Variants in UVSSA observed in about 807,000 individuals in gnomAD.
The protein encoded by UVSSA is UV stimulated scaffold protein A.
A neutral mutation model predicts 73.9 loss-of-function variants in UVSSA; 72 were observed. That is an observed-to-expected ratio of 0.97 (90% CI 0.81 to 1.19). UVSSA has a LOEUF of 1.19. Among genes scored for constraint, UVSSA ranks in the 50% most tolerant of loss-of-function variants. UVSSA has a pLI of 0.00. For missense variants in UVSSA, 1,150 were observed against 965.0 expected (o/e 1.19, Z -2.54); for synonymous variants, 454 against 391.3 (o/e 1.16, Z -1.89).
chr4:1,344,169 G>A (rs1713526460), upstream of UVSSA, among the ~76,000 whole-genome samples: 1 of 152,104 alleles, frequency 6.6e-6, no homozygotes. Flanking sequence ...TTTAAGATGT[G>A]CCTTGGGTGG....
exon 14 of UVSSA, chr4:1,394,074 C>A: frequency 3.4e-6 from 1 of 292,190 alleles, no homozygotes; most frequent in Non-Finnish European, 6.5e-6. Flanking sequence ...AGGCAGCTGC[C>A]AACTGTGCCT....
In UVSSA at chr4:1,382,433, A is replaced by T. The variant is rs538006953; in HGVS notation, c.1862-1333A>T. On this transcript the variant is annotated intron_variant, in intron 12 of 13. Coordinates refer to ENST00000389851, the MANE Select transcript of UVSSA (RefSeq NM_020894.4). ...CGCAATTTTCCTTTCCCTGGTGCTAACCTCAGTGACAATGTGCGTGCTGCT... is the reference window on the plus strand; with the variant it reads ...CGCAATTTTCCTTTCCCTGGTGCTATCCTCAGTGACAATGTGCGTGCTGCT... Among the ~76,000 whole-genome samples the T allele has an allele frequency of 1.3e-4, 20 of 152,260 alleles. No individual in the cohort carries two copies. The South Asian group carries it at 1.7e-3, about 13-fold the overall frequency.
At chr4:1,352,807 T>C (rs1198333710) in intron 4 of UVSSA, among the ~76,000 whole-genome samples, 1 of 152,236 alleles carries the variant, frequency 6.6e-6, no homozygotes, top group Non-Finnish European at 1.5e-5. Flanking sequence ...TAGTTGAGCA[T>C]GGCATCACGT....
intron 7 of UVSSA, chr4:1,357,869 A>G (rs1181535685): frequency 6.6e-6 from 1 of 152,320 alleles, no homozygotes; most frequent in Admixed American, 6.5e-5. Context: ...GCCAGGGCCC[A>G]TAACACGGGT....
rs146853550 is a variant in UVSSA at position 1,353,175 on chromosome 4, G to A, written c.696G>A (p.Ala232=). The change falls in exon 5 of 14, where the codon GCG becomes GCA. Residue 232 remains alanine (A), a synonymous_variant. Coordinates refer to ENST00000389851, the MANE Select transcript of UVSSA (RefSeq NM_020894.4). ...GMSDALRSSC[A]GQVGPCRSGT... is the part of the protein sequence containing the mutation. ...CCGATGCCCTTCGCTCCTCCTGCGC[G>A]GGCCAGGTGGGCCCCTGCCGGTCTG... The A allele has an allele frequency of 9.2e-4, 1,488 of 1,612,724 alleles. No individual in the cohort carries two copies. The highest frequency in any genetic ancestry group is 2.0e-3 in the Middle Eastern group (12 of 6,058).
At chr4:1,346,918 C>T (rs1385792157), upstream of UVSSA, among the ~76,000 whole-genome samples, 1 of 152,272 alleles carries the variant, frequency 6.6e-6, no homozygotes, top group African/African-American at 2.4e-5. Flanking sequence ...CTGCCTCGCC[C>T]TCGCCGGGAG....
At position 1,376,603 on chromosome 4, in the gene UVSSA, G is replaced by A. The variant is rs974300259; in HGVS notation, c.1568+435G>A. On this transcript the variant is annotated intron_variant, in intron 10 of 13. Coordinates refer to ENST00000389851, the MANE Select transcript of UVSSA (RefSeq NM_020894.4). ...AGGCGGGGGCTCTGCAAGGAGCCTC[G>A]GGAAGCCACCCTCCCTGCCCACTTT... Among the ~76,000 whole-genome samples the A allele has an allele frequency of 2.5e-4, 38 of 152,170 alleles. 1 individual carries two copies. Among genetic ancestry groups the A allele is most frequent in the African/African-American group, 7.2e-5 (3 of 41,440 alleles).
intron 8 of UVSSA, among the ~76,000 whole-genome samples, chr4:1,368,837 A>G (rs1717664106): frequency 6.6e-6 from 1 of 152,232 alleles, no homozygotes; most frequent in Non-Finnish European, 1.5e-5. Context: ...GGAAGTGTGC[A>G]CAGCTGGTGC....
At chr4:1,349,999 A>G (rs1560420080) in intron 3 of UVSSA, 145 bp downstream of exon 3, 4 of 766,436 alleles carry the variant, frequency 5.2e-6, no homozygotes, top group East Asian at 2.7e-5. Flanking sequence ...CTGCCAGACC[A>G]TCTGTGGGGT....
chr4:1,375,823 C>T lies in UVSSA; in HGVS notation c.1434-211C>T, dbSNP rs558024079. On this transcript the variant is annotated intron_variant, in intron 9 of 13. Transcript: ENST00000389851. ...GTCACCTCTGGGCCAGGGTGAAGGA[C>T]TGCAGACCAGAGGCCAGCTGTTGGC... is the stretch of plus-strand genomic sequence containing the variant. Among the ~76,000 whole-genome samples the T allele has an allele frequency of 3.0e-4, 45 of 152,380 alleles. 1 individual carries two copies. In the East Asian group the frequency reaches 8.5e-3, roughly 29 times the overall value.
chr4:1,369,124 C>CGTTCTG (rs1411250898), intron 8 of UVSSA, among the ~76,000 whole-genome samples: 1 of 131,098 alleles, frequency 7.6e-6, no homozygotes, highest in African/African-American at 3.6e-5. Context: ...CACGTTCTGC[C>CGTTCTG]GTTCTGCCGT....
chr4:1,395,679 C>A, exon 14 of UVSSA: 4 of 1,612,452 alleles, frequency 2.5e-6, no homozygotes, highest in South Asian at 1.1e-5. Flanking sequence ...ACACACGTGC[C>A]CATGTGGAGT....
chr4:1,364,648 C>T (rs1717075710), intron 7 of UVSSA, among the ~76,000 whole-genome samples: 2 of 152,150 alleles, frequency 1.3e-5, no homozygotes, highest in African/African-American at 4.8e-5. Flanking sequence ...GGTATTCCTC[C>T]AACAGGGATC....
At chr4:1,380,326 G>T in intron 11 of UVSSA, 96 bp downstream of exon 11, 1 of 1,427,174 alleles carries the variant, frequency 7.0e-7, no homozygotes, top group East Asian at 2.4e-5. Context: ...CCCTGGGTCA[G>T]GGTGCTTGTG....
intron 4 of UVSSA, 60 bp downstream of exon 4, chr4:1,351,895 G>A (rs915445306): frequency 2.5e-6 from 4 of 1,594,030 alleles, no homozygotes; most frequent in Non-Finnish European, 3.4e-6. Context: ...TGGTCCAGCA[G>A]TTCATCCTCC....
downstream of UVSSA, chr4:1,388,076 G>T (rs1720275704): frequency 6.6e-6 from 1 of 151,876 alleles, no homozygotes; most frequent in Admixed American, 6.6e-5. Context: ...CCATTTATTT[G>T]GGTCTTTTTA....
chr4:1,354,816 A>G lies in UVSSA; in HGVS notation c.1016A>G (p.Lys339Arg). ...GACACACTCAAGCTCATCCGGAACAAGTTCCTGCCGGCTGTGTGCTCGTGG... is the reference window on the plus strand; with the variant it reads ...GACACACTCAAGCTCATCCGGAACAGGTTCCTGCCGGCTGTGTGCTCGTGG... ...ARDTLKLIRN[K>R]FLPAVCSWIQ... Residue 339 changes from lysine to arginine, a missense_variant, in exon 6 of 14, where the codon AAG (lysine) becomes AGG (arginine). Physicochemically the swap from Lys to Arg is conservative, Grantham distance 26. Transcript: ENST00000389851. 1 of 1,610,492 alleles carries G rather than the reference A, an allele frequency of 6.2e-7. No homozygotes were observed.
chr4:1,364,904 C>T (rs1717115747), intron 7 of UVSSA, among the ~76,000 whole-genome samples: 1 of 152,206 alleles, frequency 6.6e-6, no homozygotes, highest in Non-Finnish European at 1.5e-5. Context: ...GCTGAGCCCA[C>T]ACCAGGTTTG....
chr4:1,369,083 C>T (rs1015367625), intron 8 of UVSSA, among the ~76,000 whole-genome samples: 1 of 152,246 alleles, frequency 6.6e-6, no homozygotes, highest in Admixed American at 6.5e-5. Context: ...TTTATTGCCA[C>T]TGATTGACTT....
Sources: gnomAD v4.1 joint callset for allele counts (sites outside exome capture counted in the v4.1 genomes callset) on GRCh38, gnomAD v4.1.1 for gene constraint, MANE v1.5 for transcripts, NCBI Gene and HGNC (gene_info 2026-07-23, HGNC 2026-07-21) for gene names.